Variants in CCDC7 observed in about 807,000 individuals in gnomAD.
CCDC7 encodes the protein coiled-coil domain-containing protein 7.
In CCDC7, 183 loss-of-function variants were observed where a neutral mutation model predicts 196.9. That is an observed-to-expected ratio of 0.93 (90% CI 0.82 to 1.05). The LOEUF is 1.05. Among genes scored for constraint, CCDC7 ranks in the 50% least tolerant of loss-of-function variants. CCDC7 has a pLI of 0.00. For missense variants in CCDC7, 1,540 were observed against 1,482.2 expected (o/e 1.04, Z -0.64); for synonymous variants, 525 against 484.6 (o/e 1.08, Z -1.10).
At chr10:32,670,266 C>T (rs2073790732) in intron 21 of CCDC7, among the ~76,000 whole-genome samples, 2 of 151,970 alleles carry the variant, frequency 1.3e-5, no homozygotes, top group Admixed American at 1.3e-4. Context: ...CAAACATTAC[C>T]GAACTCCCCA....
chr10:32,642,711 G>A (rs142773448), intron 20 of CCDC7, among the ~76,000 whole-genome samples: 127 of 152,278 alleles, frequency 8.3e-4, no homozygotes, highest in Non-Finnish European at 1.2e-3. Context: ...CCAGTACCTC[G>A]GTTGGAAATG....
chr10:32,644,555 G>A (rs1187478773), intron 20 of CCDC7, among the ~76,000 whole-genome samples: 2 of 152,144 alleles, frequency 1.3e-5, no homozygotes, highest in African/African-American at 2.4e-5. Context: ...TGGTGATATG[G>A]TTTGGCTATG....
intron 9 of CCDC7, among the ~76,000 whole-genome samples, chr10:32,503,589 C>T (rs2044410547): frequency 6.6e-6 from 1 of 152,054 alleles, no homozygotes; most frequent in African/African-American, 2.4e-5. Context: ...ATTTTCTTTT[C>T]TTGTGATGTC....
intron 24 of CCDC7, among the ~76,000 whole-genome samples, chr10:32,697,990 G>A (rs2078007807): frequency 1.3e-5 from 2 of 152,292 alleles, no homozygotes; most frequent in South Asian, 4.1e-4. Flanking sequence ...GAAGGATCAG[G>A]CAGCAACCTT....
chr10:32,678,190 T>C (rs551951656), intron 21 of CCDC7, among the ~76,000 whole-genome samples: 1 of 152,076 alleles, frequency 6.6e-6, no homozygotes, highest in South Asian at 2.1e-4. Context: ...CCATTATTTT[T>C]ATGTCTTTTT....
At chr10:32,848,822 G>A in intron 39 of CCDC7, 104 bp downstream of exon 40, 1 of 959,302 alleles carries the variant, frequency 1.0e-6, no homozygotes, top group Non-Finnish European at 1.6e-6. Context: ...TTTTTTTTCA[G>A]AAATATCTTA....
intron 31 of CCDC7, among the ~76,000 whole-genome samples, chr10:32,818,263 A>G (rs1317323566): frequency 1.1e-4 from 16 of 152,176 alleles, no homozygotes; most frequent in Admixed American, 4.6e-4. Flanking sequence ...AATGGTAAAG[A>G]GATCAATTCA....
At chr10:32,755,685 A>C (rs544991917) in intron 28 of CCDC7, among the ~76,000 whole-genome samples, 1 of 152,280 alleles carries the variant, frequency 6.6e-6, no homozygotes, top group Admixed American at 6.5e-5. Context: ...TCTAAAAATC[A>C]GACTGCCTCT....
At chr10:32,587,240 G>T (rs1245020975) in intron 18 of CCDC7, among the ~76,000 whole-genome samples, 1 of 152,080 alleles carries the variant, frequency 6.6e-6, no homozygotes. Context: ...ATTTGGGGTT[G>T]CTGTAACAGA....
intron 28 of CCDC7, among the ~76,000 whole-genome samples, chr10:32,758,414 C>T (rs1441468080): frequency 2.0e-5 from 3 of 152,152 alleles, no homozygotes; most frequent in Non-Finnish European, 4.4e-5. Context: ...ATCAAGTTGG[C>T]TTCATCCCTG....
chr10:32,708,698 C>A (rs2080252836), intron 24 of CCDC7, among the ~76,000 whole-genome samples: 1 of 152,190 alleles, frequency 6.6e-6, no homozygotes, highest in African/African-American at 2.4e-5. Context: ...GACATTTATG[C>A]AGCCAAAAAA....
intron 16 of CCDC7, among the ~76,000 whole-genome samples, chr10:32,582,134 A>ATATATATATATATC (rs2058802055): frequency 1.1e-5 from 1 of 94,418 alleles, no homozygotes. Flanking sequence ...ATATATATAT[A>ATATATATATATATC]TATATACTTT....
chr10:32,543,385 A>G (rs896799290), exon 12 of CCDC7: 8 of 1,378,038 alleles, frequency 5.8e-6, no homozygotes, highest in African/African-American at 1.5e-5. Context: ...GATTCAGAAA[A>G]GTAAGACATA....
At chr10:32,775,089 T>C (rs2079789819) in intron 28 of CCDC7, among the ~76,000 whole-genome samples, 2 of 152,302 alleles carry the variant, frequency 1.3e-5, no homozygotes, top group Admixed American at 6.5e-5. Flanking sequence ...TCCATCAGTG[T>C]GGTTTCTTCT....
intron 20 of CCDC7, among the ~76,000 whole-genome samples, chr10:32,639,820 G>T (rs2066384623): frequency 6.6e-6 from 1 of 152,054 alleles, no homozygotes; most frequent in African/African-American, 2.4e-5. Context: ...TAGTAGAGAT[G>T]GGGTTTCACC....
chr10:32,747,204 G>A (rs2074916864), intron 28 of CCDC7, among the ~76,000 whole-genome samples: 1 of 152,138 alleles, frequency 6.6e-6, no homozygotes, highest in African/African-American at 2.4e-5. Flanking sequence ...TTCACCACAT[G>A]TAAAAATCAA....
At chr10:32,592,701 C>T (rs2059896150) in intron 18 of CCDC7, among the ~76,000 whole-genome samples, 3 of 152,072 alleles carry the variant, frequency 2.0e-5, no homozygotes, top group Admixed American at 2.0e-4. Context: ...CCTCCCTGCT[C>T]CCCACACCCC....
intron 20 of CCDC7, among the ~76,000 whole-genome samples, chr10:32,636,346 A>G (rs2065633512): frequency 6.6e-6 from 1 of 152,116 alleles, no homozygotes; most frequent in Admixed American, 6.5e-5. Flanking sequence ...CTCATTTAAC[A>G]TTAGGTATAT....
chr10:32,758,372 T>A (rs542058417), intron 28 of CCDC7, among the ~76,000 whole-genome samples: 7 of 152,240 alleles, frequency 4.6e-5, no homozygotes, highest in South Asian at 4.2e-4. Flanking sequence ...GCAATCCGAA[T>A]CCAGCAGCAC....
Sources: allele counts gnomAD v4.1 joint callset (sites outside exome capture counted in the v4.1 genomes callset), GRCh38; gene constraint gnomAD v4.1.1; transcripts MANE v1.5; gene names NCBI Gene and HGNC (gene_info 2026-07-23, HGNC 2026-07-21).